Variants in ARSH observed in about 807,000 individuals in gnomAD.
ARSH encodes the protein arylsulfatase H.
In ARSH, 32 loss-of-function variants were observed where a neutral mutation model predicts 28.7. That is an observed-to-expected ratio of 1.11 (90% CI 0.84 to 1.50). The LOEUF is 1.50. Among genes scored for constraint, ARSH ranks in the 40% most tolerant of loss-of-function variants. The pLI, the probability that ARSH is intolerant of heterozygous loss-of-function variation, is 0.00. For missense variants in ARSH, 440 were observed against 452.4 expected (o/e 0.97, Z 0.25); for synonymous variants, 176 against 177.3 (o/e 0.99, Z 0.06).
intron 8 of ARSH, 46 bp downstream of exon 8, chrX:3,029,414 G>A (rs758212889): frequency 1.7e-6 from 2 of 1,175,250 alleles, no homozygotes; most frequent in Middle Eastern, 2.4e-4. Flanking sequence ...TAAGGGCCCG[G>A]TTCCGGTCTC....
intron 6 of ARSH, among the ~76,000 whole-genome samples, chrX:3,026,432 G>C (rs770394527): frequency 3.6e-5 from 4 of 112,286 alleles, no homozygotes; most frequent in African/African-American, 1.3e-4. Context: ...AGAGGCTTCC[G>C]GTTTTGTGTT....
intron 8 of ARSH, among the ~76,000 whole-genome samples, chrX:3,030,450 C>G (rs1284493667): frequency 9.0e-6 from 1 of 111,236 alleles, no homozygotes; most frequent in Non-Finnish European, 1.9e-5. Context: ...TTGTATTAGT[C>G]CATTCTCACG....
At chrX:3,010,379 G>A (rs2089843321) in intron 2 of ARSH, among the ~76,000 whole-genome samples, 1 of 111,044 alleles carries the variant, frequency 9.0e-6, no homozygotes, top group Admixed American at 9.7e-5. Flanking sequence ...GCCTCTTGGG[G>A]GCAATTTGCC....
At chrX:3,021,322 G>A (rs1423820997) in intron 5 of ARSH, among the ~76,000 whole-genome samples, 1 of 111,857 alleles carries the variant, frequency 8.9e-6, no homozygotes, top group Admixed American at 9.6e-5. Flanking sequence ...ATGAAGACGT[G>A]TTACAAAAGC....
intron 4 of ARSH, among the ~76,000 whole-genome samples, chrX:3,015,745 T>C (rs186867114): frequency 5.5e-4 from 61 of 110,205 alleles, no homozygotes; most frequent in African/African-American, 2.0e-3. Context: ...AGACTACCTA[T>C]TGGGTGCTCT....
At chrX:3,031,093 A>G (rs2089912693) in intron 8 of ARSH, among the ~76,000 whole-genome samples, 1 of 108,895 alleles carries the variant, frequency 9.2e-6, no homozygotes, top group African/African-American at 3.3e-5. Flanking sequence ...TGATCGTGCC[A>G]CTGTACTCCA....
intron 5 of ARSH, among the ~76,000 whole-genome samples, chrX:3,022,791 A>G (rs2089887831): frequency 8.9e-6 from 1 of 111,851 alleles, no homozygotes; most frequent in African/African-American, 3.2e-5. Flanking sequence ...ATTTCCATGT[A>G]GACTTCAGAT....
Position 3,033,542 on chromosome X carries a change from AT to A in ARSH, c.*159del. 1 of 556,555 alleles carries A rather than the reference AT, an allele frequency of 1.8e-6. No homozygotes were observed. The highest frequency in any genetic ancestry group is 2.7e-6 in the Non-Finnish European group (1 of 373,421). The allele number at this position is 556,555 out of a possible 1,213,427, so 45.9% of individuals were successfully genotyped here. The stretch of plus-strand genomic sequence containing the variant: ...TCAGTTCTTTCAAGAGCTCGGTGAA[AT>A]TAAAGTGGGCCCATATAACAGTGAA... On this transcript the variant is annotated 3_prime_UTR_variant, in exon 9 of 9. Transcript: ENST00000381130.
intron 5 of ARSH, among the ~76,000 whole-genome samples, chrX:3,021,554 T>C (rs1014450555): frequency 3.6e-5 from 4 of 111,504 alleles, no homozygotes; most frequent in Non-Finnish European, 5.6e-5. Flanking sequence ...TAGTAACTTA[T>C]TAACTTTACT....
intron 2 of ARSH, among the ~76,000 whole-genome samples, chrX:3,010,481 G>C (rs1268828869): frequency 1.8e-5 from 2 of 111,657 alleles, no homozygotes; most frequent in Non-Finnish European, 3.8e-5. Context: ...ACCATGCAGT[G>C]GTTCTGAGAT....
chrX:3,029,077 CAA>C (rs377018684), intron 7 of ARSH, among the ~76,000 whole-genome samples, 168 bp from the exon 8 acceptor site: 7 of 80,945 alleles, frequency 8.6e-5, no homozygotes, highest in Non-Finnish European at 7.4e-5. Context: ...GACTCCATTT[CAA>C]AAAAAAAAAA....
rs771598469 is a variant in ARSH at position 3,020,460 on chromosome X, G to A, written c.901+1790G>A. On this transcript the variant is annotated intron_variant, in intron 5 of 8. Coordinates refer to ENST00000381130, the MANE Select transcript of ARSH (RefSeq NM_001011719.2). ...AAAAATGAGCCGGGCGCGGTGGCGG[G>A]CGCCTGTAGTCCCAGCTACTCCGGA... 2.7e-3 allele frequency among the ~76,000 whole-genome samples: 281 copies of A among 103,092 alleles called. 3 individuals carry two copies. The highest frequency in any genetic ancestry group is 4.2e-3 in the Non-Finnish European group (211 of 49,829). The allele number at this position is 103,092 out of a possible 115,157, so 89.5% of individuals were successfully genotyped here. A position where few individuals can be genotyped will look rare whatever the true frequency, so the allele number is the denominator to read the frequency against.
At chrX:3,025,277 A>G (rs2089895958) in intron 6 of ARSH, among the ~76,000 whole-genome samples, 1 of 106,405 alleles carries the variant, frequency 9.4e-6, no homozygotes, top group Admixed American at 1.1e-4. Flanking sequence ...GTACACATTC[A>G]CTATGTATAT....
intron 8 of ARSH, among the ~76,000 whole-genome samples, chrX:3,031,955 G>A (rs1304497407): frequency 1.8e-5 from 2 of 111,207 alleles, no homozygotes; most frequent in Non-Finnish European, 3.8e-5. Context: ...CATCACACCT[G>A]CACTCCATGC....
intron 8 of ARSH, among the ~76,000 whole-genome samples, chrX:3,031,965 C>T (rs2089915118): frequency 9.0e-6 from 1 of 111,329 alleles, no homozygotes; most frequent in Admixed American, 9.7e-5. Flanking sequence ...GCACTCCATG[C>T]AGTAAGGAGG....
At chrX:3,024,768 TC>T (rs1464892756) in intron 6 of ARSH, among the ~76,000 whole-genome samples, 1 of 111,269 alleles carries the variant, frequency 9.0e-6, no homozygotes, top group African/African-American at 3.3e-5. Context: ...AGCAGATTCT[TC>T]CAGCTCACTT....
intron 1 of ARSH, among the ~76,000 whole-genome samples, 175 bp downstream of exon 1, chrX:3,006,879 C>G (rs1266524530): frequency 9.0e-6 from 1 of 111,109 alleles, no homozygotes; most frequent in Admixed American, 9.7e-5. Flanking sequence ...CACTTAACCT[C>G]CCAGTTTCCT....
At chrX:3,021,698 C>G (rs980507063) in intron 5 of ARSH, among the ~76,000 whole-genome samples, 1 of 82,018 alleles carries the variant, frequency 1.2e-5, no homozygotes, top group African/African-American at 4.9e-5. Context: ...TTAAAAAACA[C>G]TTTTAGTCCT....
chrX:3,026,939 C>T (rs1453256203), intron 6 of ARSH, among the ~76,000 whole-genome samples: 1 of 111,271 alleles, frequency 9.0e-6, no homozygotes, highest in African/African-American at 3.3e-5. Context: ...GCAATCTCCA[C>T]TTCCTCGTCT....
Sources: allele counts gnomAD v4.1 joint callset (sites outside exome capture counted in the v4.1 genomes callset), GRCh38; gene constraint gnomAD v4.1.1; transcripts MANE v1.5; gene names NCBI Gene and HGNC (gene_info 2026-07-23, HGNC 2026-07-21).